DMRT1: variants seen among roughly 807,000 people sequenced by gnomAD.
The protein encoded by DMRT1 is doublesex and mab-3 related transcription factor 1, also known as doublesex- and mab-3-related transcription factor 1.
DMRT1 carries 7 observed loss-of-function variants against 32.3 expected under a neutral mutation model. That is an observed-to-expected ratio of 0.22 (90% CI 0.12 to 0.41). DMRT1 has a LOEUF of 0.41. DMRT1 is among the 10% of genes least tolerant of loss of function. The pLI is 1.00. For synonymous variants in DMRT1, 278 were observed against 206.1 expected, an observed-to-expected ratio of 1.35 and a Z score of -2.99; for missense variants, 625 against 500.5, an observed-to-expected ratio of 1.25 and a Z score of -2.37.
In DMRT1 at chr9:866,772, T is replaced by C. The variant is rs150080444; in HGVS notation, c.538+19629T>C. ...TCCCACCCCAGGAGCTGCTACCTTGTAGAGTCCAGTCATCCACTTGATGAG... is the reference window on the plus strand; with the variant it reads ...TCCCACCCCAGGAGCTGCTACCTTGCAGAGTCCAGTCATCCACTTGATGAG... On this transcript the variant is annotated intron_variant, in intron 2 of 4. Coordinates refer to ENST00000382276, the MANE Select transcript of DMRT1 (RefSeq NM_021951.3). Among the ~76,000 whole-genome samples, 76 of 152,300 alleles carry C rather than the reference T, an allele frequency of 5.0e-4. No individual in the cohort carries two copies. The East Asian group carries it at 0.014, about 27-fold the overall frequency.
chr9:864,061 C>G (rs114530293), intron 2 of DMRT1, among the ~76,000 whole-genome samples: 21 of 152,220 alleles, frequency 1.4e-4, no homozygotes, highest in African/African-American at 5.1e-4. Context: ...CGTCACTGCA[C>G]TCTTTGGAGG....
intron 3 of DMRT1, among the ~76,000 whole-genome samples, chr9:902,949 C>T (rs569788162): frequency 8.1e-4 from 123 of 152,246 alleles, no homozygotes; most frequent in South Asian, 2.3e-3. Context: ...GGAGACTCTT[C>T]TGTTTAAGGA....
chr9:889,746 T>C (rs1817067134), intron 2 of DMRT1, among the ~76,000 whole-genome samples: 1 of 151,658 alleles, frequency 6.6e-6, no homozygotes, highest in Non-Finnish European at 1.5e-5. Flanking sequence ...CTTGGGTTTC[T>C]ATTTATTCGT....
At chr9:941,431 G>A (rs1186309925) in intron 4 of DMRT1, among the ~76,000 whole-genome samples, 1 of 149,068 alleles carries the variant, frequency 6.7e-6, no homozygotes, top group Non-Finnish European at 1.5e-5. Flanking sequence ...GTTACATGTC[G>A]TTCACAAGAA....
intron 2 of DMRT1, among the ~76,000 whole-genome samples, chr9:878,422 T>G (rs544666006): frequency 6.6e-6 from 1 of 152,292 alleles, no homozygotes; most frequent in Non-Finnish European, 1.5e-5. Flanking sequence ...GTTGCTTTCC[T>G]GGCGCCAGGT....
intron 3 of DMRT1, among the ~76,000 whole-genome samples, chr9:900,984 G>T (rs1309406309): frequency 6.7e-6 from 1 of 149,988 alleles, no homozygotes; most frequent in Non-Finnish European, 1.5e-5. Flanking sequence ...GAGCTGCTGT[G>T]CCTAGCTCTA....
At chr9:913,209 T>C (rs79144808) in intron 3 of DMRT1, among the ~76,000 whole-genome samples, 10 of 152,340 alleles carry the variant, frequency 6.6e-5, no homozygotes, top group African/African-American at 2.4e-4. Context: ...CCTGGCAAAA[T>C]TGAAAAGCAT....
chr9:894,567 C>T, intron 3 of DMRT1: 1 of 319,708 alleles, frequency 3.1e-6, no homozygotes. Context: ...GAGGTACCAC[C>T]TCCTCCAGCT....
At chr9:900,321 C>G (rs1391359304) in intron 3 of DMRT1, among the ~76,000 whole-genome samples, 1 of 152,226 alleles carries the variant, frequency 6.6e-6, no homozygotes, top group African/African-American at 2.4e-5. Context: ...TACCTTTTCA[C>G]TGCTTGTCCG....
rs1818919325 is a variant in DMRT1 at position 937,301 on chromosome 9, G to A, written c.967+20394G>A. Among the ~76,000 whole-genome samples the A allele has an allele frequency of 2.6e-5, 4 of 152,338 alleles. No individual in the cohort carries two copies. The South Asian group carries it at 6.2e-4, about 24-fold the overall frequency. On this transcript the variant is annotated intron_variant, in intron 4 of 4. Transcript: ENST00000382276. ...GGCTACTGTGAAATAATGCTGCTGT[G>A]AAGTTTGGTGTACAAGTATCTGTGT...
intron 4 of DMRT1, among the ~76,000 whole-genome samples, chr9:927,135 T>C (rs1467006853): frequency 6.6e-6 from 1 of 152,232 alleles, no homozygotes; most frequent in Non-Finnish European, 1.5e-5. Flanking sequence ...GAGTTTATTT[T>C]CCCTGCTTGC....
chr9:938,024 C>T (rs7852439), intron 4 of DMRT1, among the ~76,000 whole-genome samples: 45,415 of 151,890 alleles, frequency 0.3, 10,791 homozygotes, highest in African/African-American at 0.67. Flanking sequence ...TTTTTGTATA[C>T]AATGTAAGGT....
chr9:937,453 A>C (rs1026622663), intron 4 of DMRT1, among the ~76,000 whole-genome samples: 1 of 152,236 alleles, frequency 6.6e-6, no homozygotes, highest in African/African-American at 2.4e-5. Context: ...ATGATTTTAC[A>C]TTCCAGTCAG....
chr9:938,486 A>C (rs1818958587), intron 4 of DMRT1, among the ~76,000 whole-genome samples: 1 of 151,940 alleles, frequency 6.6e-6, no homozygotes, highest in Non-Finnish European at 1.5e-5. Flanking sequence ...TGTGCCTGTC[A>C]CCTCCCTGGT....
At chr9:857,523 G>C (rs1815450615) in intron 2 of DMRT1, among the ~76,000 whole-genome samples, 1 of 152,100 alleles carries the variant, frequency 6.6e-6, no homozygotes, top group African/African-American at 2.4e-5. Flanking sequence ...AAGGGCTAAA[G>C]TAACATTTTG....
chr9:928,033 A>C (rs1818585132), intron 4 of DMRT1, among the ~76,000 whole-genome samples: 1 of 152,146 alleles, frequency 6.6e-6, no homozygotes, highest in African/African-American at 2.4e-5. Flanking sequence ...TCAGTGGCTT[A>C]TTTATTATTT....
intron 2 of DMRT1, among the ~76,000 whole-genome samples, chr9:867,865 G>C (rs530375551): frequency 1.3e-5 from 2 of 152,282 alleles, no homozygotes; most frequent in African/African-American, 2.4e-5. Flanking sequence ...TTCTCTGTAA[G>C]TGCTGTGTTA....
chr9:968,554 G>A lies in DMRT1; in HGVS notation c.*415G>A. ...TAAGTATTTTTTAAAAACCTGCAAA[G>A]ATATAAATTTAGCCAAGTTACCTGA... On this transcript the variant is annotated 3_prime_UTR_variant, in exon 5 of 5. Coordinates refer to ENST00000382276, the MANE Select transcript of DMRT1 (RefSeq NM_021951.3). 5.9e-6 allele frequency: 1 copy of A among 168,450 alleles called. No homozygotes were observed. Among genetic ancestry groups the A allele is most frequent in the Non-Finnish European group, 1.3e-5 (1 of 77,836 alleles). 10.4% of individuals were successfully genotyped at this position (168,450 alleles called of 1,614,324 possible). A position where few individuals can be genotyped will look rare whatever the true frequency, so the allele number is the denominator to read the frequency against.
intron 1 of DMRT1, among the ~76,000 whole-genome samples, chr9:844,715 C>CTTTTTTTTTTTTTTTTTTTTTTT: frequency 7.4e-6 from 1 of 135,698 alleles, no homozygotes; most frequent in Non-Finnish European, 1.6e-5. Context: ...TTCTTTCTTT[C>CTTTTTTTTTTTTTTTTTTTTTTT]TTTCTTTTTT....
Sources: gnomAD v4.1 joint callset for allele counts (sites outside exome capture counted in the v4.1 genomes callset) on GRCh38, gnomAD v4.1.1 for gene constraint, MANE v1.5 for transcripts, NCBI Gene and HGNC (gene_info 2026-07-23, HGNC 2026-07-21) for gene names.